SPATA6: variants seen among roughly 807,000 people sequenced by gnomAD.
SPATA6 encodes spermatogenesis associated 6, also known as spermatogenesis-associated protein 6.
Under a neutral mutation model 65.3 loss-of-function variants are expected in SPATA6, and 56 were observed. That is an observed-to-expected ratio of 0.86 (90% CI 0.69 to 1.07). The LOEUF (loss-of-function observed/expected upper bound fraction) is 1.07. Among genes scored for constraint, SPATA6 ranks in the 50% least tolerant of loss-of-function variants. SPATA6 has a pLI of 0.00. For missense variants in SPATA6, 590 were observed against 594.8 expected (o/e 0.99, Z 0.08); for synonymous variants, 199 against 213.2 (o/e 0.93, Z 0.58).
At chr1:48,278,723 G>C in the SPATA6 span, among the ~76,000 whole-genome samples, 1 of 152,224 alleles carries the variant, frequency 6.6e-6, no homozygotes, top group Non-Finnish European at 1.5e-5. Flanking sequence ...ACCTGAAACT[G>C]ACGGGGAGAA....
At chr1:48,288,610 G>T in the SPATA6 span, among the ~76,000 whole-genome samples, 1 of 152,330 alleles carries the variant, frequency 6.6e-6, no homozygotes, top group East Asian at 1.9e-4. Flanking sequence ...GGGAAGCCAT[G>T]ACAGACAGCA....
chr1:48,274,723 T>C, the SPATA6 span, among the ~76,000 whole-genome samples: 1 of 152,226 alleles, frequency 6.6e-6, no homozygotes, highest in African/African-American at 2.4e-5. Context: ...ACCAGTACCA[T>C]GCTGTTTTCA....
intron 1 of SPATA6, among the ~76,000 whole-genome samples, chr1:48,468,167 T>C (rs1657957954): frequency 6.6e-6 from 1 of 152,184 alleles, no homozygotes; most frequent in South Asian, 2.1e-4. Context: ...TAAGTGTCCA[T>C]CAACGAATGA....
the SPATA6 span, among the ~76,000 whole-genome samples, chr1:48,270,388 T>A: frequency 6.6e-6 from 1 of 152,170 alleles, no homozygotes; most frequent in African/African-American, 2.4e-5. Flanking sequence ...TCTGAAGAGA[T>A]ACCAGCTCCA....
chr1:48,452,341 T>C (rs1031538008), intron 2 of SPATA6, among the ~76,000 whole-genome samples: 17 of 151,500 alleles, frequency 1.1e-4, no homozygotes, highest in Admixed American at 3.9e-4. Flanking sequence ...CAAAGACTTA[T>C]AGGAAGAAGT....
intron 1 of SPATA6, among the ~76,000 whole-genome samples, chr1:48,470,805 C>T (rs989769137): frequency 2.4e-4 from 36 of 151,948 alleles, no homozygotes; most frequent in African/African-American, 8.4e-4. Context: ...GGCTGCAGCA[C>T]CCAGGAGAGT....
intron 7 of SPATA6, among the ~76,000 whole-genome samples, chr1:48,397,500 G>C (rs1169860422): frequency 6.6e-6 from 1 of 151,646 alleles, no homozygotes. Flanking sequence ...TCTTTAAGAT[G>C]AAAGAATCTT....
At chr1:48,390,249 G>T (rs1649911480) in intron 8 of SPATA6, among the ~76,000 whole-genome samples, 1 of 152,080 alleles carries the variant, frequency 6.6e-6, no homozygotes, top group African/African-American at 2.4e-5. Context: ...TAAAATTAAT[G>T]ATATCATGTC....
At chr1:48,365,230 C>T (rs1395191163) in intron 9 of SPATA6, among the ~76,000 whole-genome samples, 10 of 152,056 alleles carry the variant, frequency 6.6e-5, no homozygotes, top group Admixed American at 2.6e-4. Flanking sequence ...AGTCAGGTAG[C>T]GTGGTGCCTC....
At chr1:48,451,683 C>A in intron 2 of SPATA6, 83 bp from the exon 3 acceptor site, 1 of 1,337,724 alleles carries the variant, frequency 7.5e-7, no homozygotes, top group Non-Finnish European at 1.0e-6. Context: ...TCATTCCTTT[C>A]ACAATCACAG....
At chr1:48,364,198 T>C (rs1036484417) in intron 9 of SPATA6, among the ~76,000 whole-genome samples, 7 of 152,198 alleles carry the variant, frequency 4.6e-5, no homozygotes, top group African/African-American at 1.7e-4. Flanking sequence ...ATCCAATCTA[T>C]TGTTGTTGGA....
At chr1:48,427,721 C>T (rs1653973146) in intron 3 of SPATA6, among the ~76,000 whole-genome samples, 1 of 151,988 alleles carries the variant, frequency 6.6e-6, no homozygotes. Context: ...CTCCATATAA[C>T]TTTTTTTTAA....
Position 48,466,238 on chromosome 1 carries a change from T to A in SPATA6, c.51+5720A>T, listed in dbSNP as rs187529955. On this transcript the variant is annotated intron_variant, in intron 1 of 12. Coordinates refer to ENST00000371847, the MANE Select transcript of SPATA6 (RefSeq NM_019073.4). ...CATTAAGAGAGGAACAAAAATTATA[T>A]CACTGTTAATATAAACATATACCAT... is the stretch of plus-strand genomic sequence containing the variant. Among the ~76,000 whole-genome samples, 7 of 152,198 alleles carry A rather than the reference T, an allele frequency of 4.6e-5. No homozygotes were observed. In the East Asian group the frequency reaches 1.3e-3, roughly 29 times the overall value.
chr1:48,406,323 G>C (rs1364797483), intron 5 of SPATA6, among the ~76,000 whole-genome samples: 1 of 152,126 alleles, frequency 6.6e-6, no homozygotes, highest in Non-Finnish European at 1.5e-5. Context: ...CACTCAAATT[G>C]CCAAAGTAAT....
the SPATA6 span, among the ~76,000 whole-genome samples, chr1:48,281,101 G>A: frequency 6.6e-6 from 1 of 152,296 alleles, no homozygotes; most frequent in East Asian, 1.9e-4. Flanking sequence ...TATCTCAATA[G>A]ATGCAGAAAA....
chr1:48,293,342 G>A (rs942521985), downstream of SPATA6, among the ~76,000 whole-genome samples: 10 of 152,166 alleles, frequency 6.6e-5, no homozygotes, highest in Non-Finnish European at 1.3e-4. Context: ...TACCCATTCT[G>A]TGTGGTTATT....
intron 9 of SPATA6, among the ~76,000 whole-genome samples, chr1:48,364,572 ATG>A (rs1646932151): frequency 6.6e-6 from 1 of 152,014 alleles, no homozygotes; most frequent in Non-Finnish European, 1.5e-5. Context: ...GCATTTTTTC[ATG>A]TGTTTTTTGG....
intron 9 of SPATA6, among the ~76,000 whole-genome samples, chr1:48,372,291 A>C (rs1328573854): frequency 6.6e-6 from 1 of 152,146 alleles, no homozygotes; most frequent in Non-Finnish European, 1.5e-5. Context: ...AGCTGTTCTA[A>C]ATGAGAGAAA....
chr1:48,359,577 C>T lies in SPATA6; in HGVS notation c.1094+9G>A, dbSNP rs1239653539. 3 of 1,612,232 alleles carry T rather than the reference C, an allele frequency of 1.9e-6. No individual in the cohort carries two copies. The South Asian group carries it at 3.3e-5, about 18-fold the overall frequency. ...GATCAGTACAGAAATGAAGACCGCA[C>T]ATAATTACCTTTCCCTGAGAGAAGC... On this transcript the variant is annotated intron_variant, in intron 10 of 12. Coordinates refer to ENST00000371847, the MANE Select transcript of SPATA6 (RefSeq NM_019073.4).
Sources: allele counts gnomAD v4.1 joint callset (sites outside exome capture counted in the v4.1 genomes callset), GRCh38; gene constraint gnomAD v4.1.1; transcripts MANE v1.5; gene names NCBI Gene and HGNC (gene_info 2026-07-23, HGNC 2026-07-21).